The following CADM2 variants were observed in gnomAD, a reference collection of about 807,000 sequenced individuals.
CADM2 encodes immunoglobulin superfamily member 4D.
Under a neutral mutation model 49.8 loss-of-function variants are expected in CADM2, and 12 were observed. The observed-to-expected ratio is 0.24, with a 90% CI of 0.15 to 0.39. The LOEUF is 0.39. Among genes scored for constraint, CADM2 ranks in the 10% least tolerant of loss-of-function variants. The pLI, the probability that CADM2 is intolerant of heterozygous loss-of-function variation, is 1.00. For synonymous variants in CADM2, 214 were observed against 175.4 expected (o/e 1.22, Z -1.74); for missense variants, 378 against 492.3 (o/e 0.77, Z 2.20).
At chr3:85,868,472 T>G (rs2108345269) in intron 3 of CADM2, among the ~76,000 whole-genome samples, 1 of 152,240 alleles carries the variant, frequency 6.6e-6, no homozygotes. Context: ...CCTGTTATCT[T>G]GATTGCCTAA....
At chr3:85,721,487 C>A (rs1313743812) in intron 1 of CADM2, among the ~76,000 whole-genome samples, 5 of 152,012 alleles carry the variant, frequency 3.3e-5, no homozygotes, top group African/African-American at 1.2e-4. Context: ...CTGCCAAGGG[C>A]GAGTGAGGTG....
chr3:85,563,063 G>C (rs1338856463), intron 1 of CADM2, among the ~76,000 whole-genome samples: 1 of 151,914 alleles, frequency 6.6e-6, no homozygotes, highest in East Asian at 1.9e-4. Flanking sequence ...TATCACATGG[G>C]GAAATAAAAT....
intron 3 of CADM2, among the ~76,000 whole-genome samples, chr3:85,882,342 G>A (rs984998296): frequency 1.8e-4 from 27 of 152,068 alleles, no homozygotes; most frequent in African/African-American, 6.3e-4. Flanking sequence ...AGTCTCTCCT[G>A]ATATTGTTGG....
At chr3:86,044,695 G>T (rs956235060) in intron 8 of CADM2, among the ~76,000 whole-genome samples, 2 of 152,086 alleles carry the variant, frequency 1.3e-5, no homozygotes, top group Admixed American at 1.3e-4. Flanking sequence ...ATTTAACCCA[G>T]CCATCCCATT....
intron 7 of CADM2, among the ~76,000 whole-genome samples, chr3:85,949,730 A>G (rs1723207697): frequency 1.3e-5 from 2 of 151,356 alleles, no homozygotes; most frequent in South Asian, 4.1e-4. Flanking sequence ...TGGTTTTAAT[A>G]TTAGAAATGA....
At chr3:85,739,802 A>T (rs2107821430) in intron 2 of CADM2, among the ~76,000 whole-genome samples, 1 of 152,316 alleles carries the variant, frequency 6.6e-6, no homozygotes, top group East Asian at 1.9e-4. Flanking sequence ...TATTATTGGT[A>T]ACTTTAAAAA....
chr3:85,868,144 G>A (rs906633546), intron 3 of CADM2, among the ~76,000 whole-genome samples: 1 of 151,888 alleles, frequency 6.6e-6, no homozygotes, highest in African/African-American at 2.4e-5. Flanking sequence ...AGCAAGAAAA[G>A]AGTCCCAAAT....
intron 8 of CADM2, among the ~76,000 whole-genome samples, chr3:86,039,965 G>A (rs1029943691): frequency 1.3e-5 from 2 of 152,124 alleles, no homozygotes; most frequent in Non-Finnish European, 1.5e-5. Flanking sequence ...TGATACCCAG[G>A]CAAACAGGGT....
chr3:85,886,431 C>T, intron 5 of CADM2, 104 bp downstream of exon 5: 1 of 779,608 alleles, frequency 1.3e-6, no homozygotes, highest in Admixed American at 2.4e-5. Context: ...GTGTCTCTTA[C>T]AGATTATGCA....
At chr3:86,049,768 A>C (rs1415626801) in intron 8 of CADM2, among the ~76,000 whole-genome samples, 1 of 152,084 alleles carries the variant, frequency 6.6e-6, no homozygotes, top group Non-Finnish European at 1.5e-5. Flanking sequence ...ATGAGAACTC[A>C]CTCACTATCA....
chr3:85,291,968 T>G (rs1471512326), intron 1 of CADM2, among the ~76,000 whole-genome samples: 11 of 151,970 alleles, frequency 7.2e-5, no homozygotes, highest in African/African-American at 1.2e-4. Context: ...TGGACTAAAT[T>G]CTCCAATTAA....
chr3:85,613,473 G>A (rs920938102), intron 1 of CADM2, among the ~76,000 whole-genome samples: 1 of 151,488 alleles, frequency 6.6e-6, no homozygotes, highest in African/African-American at 2.4e-5. Flanking sequence ...ACAGCATCCA[G>A]GTTTTCATAA....
intron 1 of CADM2, among the ~76,000 whole-genome samples, chr3:85,371,714 T>TATATATATATA (rs2033254242): frequency 7.2e-6 from 1 of 138,118 alleles, no homozygotes; most frequent in African/African-American, 2.7e-5. Flanking sequence ...TATATATATA[T>TATATATATATA]TCACTTACAA....
At chr3:85,973,691 C>A (rs1726437390) in intron 8 of CADM2, among the ~76,000 whole-genome samples, 1 of 151,684 alleles carries the variant, frequency 6.6e-6, no homozygotes, top group Admixed American at 6.6e-5. Context: ...GTTATTATAA[C>A]ATCGCACATT....
chr3:85,420,104 G>A (rs1156506028), intron 1 of CADM2, among the ~76,000 whole-genome samples: 1 of 152,106 alleles, frequency 6.6e-6, no homozygotes, highest in Non-Finnish European at 1.5e-5. Flanking sequence ...ATGACACTTA[G>A]GACCAAGTTA....
intron 1 of CADM2, among the ~76,000 whole-genome samples, chr3:85,101,818 G>A (rs72905223): frequency 0.025 from 3,731 of 152,156 alleles, 132 homozygotes; most frequent in African/African-American, 0.083. Context: ...TGAGTGAATC[G>A]GATTTTGTGT....
At chr3:85,312,158 A>G (rs2044360284) in intron 1 of CADM2, among the ~76,000 whole-genome samples, 1 of 152,024 alleles carries the variant, frequency 6.6e-6, no homozygotes, top group African/African-American at 2.4e-5. Flanking sequence ...GACAATCCCC[A>G]CGTTAGAATC....
chr3:85,501,674 T>C (rs1277758681), intron 1 of CADM2, among the ~76,000 whole-genome samples: 1 of 152,172 alleles, frequency 6.6e-6, no homozygotes, highest in African/African-American at 2.4e-5. Context: ...TATTCTTTTG[T>C]ATTTAGCAGT....
chr3:85,173,850 A>G (rs2040702624), intron 1 of CADM2, among the ~76,000 whole-genome samples: 1 of 152,104 alleles, frequency 6.6e-6, no homozygotes, highest in Non-Finnish European at 1.5e-5. Context: ...TCTGTTGGTC[A>G]TATTTTGTTT....
Sources: allele counts gnomAD v4.1 joint callset (sites outside exome capture counted in the v4.1 genomes callset), GRCh38; gene constraint gnomAD v4.1.1; transcripts MANE v1.5; gene names NCBI Gene and HGNC (gene_info 2026-07-23, HGNC 2026-07-21).